ZG16: variants seen among roughly 807,000 people sequenced by gnomAD.
The protein encoded by ZG16 is zymogen granule membrane protein 16.
ZG16 carries 9 observed loss-of-function variants against 15.6 expected under a neutral mutation model. The ratio of observed to expected loss-of-function variants is 0.58; its 90% confidence interval spans 0.35 to 1.00. The LOEUF (loss-of-function observed/expected upper bound fraction) is 1.00. Ranked by LOEUF, ZG16 falls within the 50% of genes least tolerant of loss-of-function variation. ZG16 has a pLI of 0.02. For synonymous variants in ZG16, 89 were observed against 87.4 expected (o/e 1.02, Z -0.10); for missense variants, 174 against 214.8 (o/e 0.81, Z 1.19).
chr16:29,782,183 G>T lies in ZG16; in HGVS notation c.*1764G>T, dbSNP rs1368306809. 1 of 152,252 alleles carries T rather than the reference G, an allele frequency of 6.6e-6. No homozygotes were observed. The highest frequency in any genetic ancestry group is 2.4e-5 in the African/African-American group (1 of 41,466). 9.4% of individuals were successfully genotyped at this position (152,252 alleles called of 1,614,324 possible). On this transcript the variant is annotated 3_prime_UTR_variant, in exon 4 of 4. Coordinates refer to ENST00000400752, the MANE Select transcript of ZG16 (RefSeq NM_152338.4). ...TATGTCTGCCCCAGTGAATGCAGCC[G>T]CCACGGAGCCCCAGCCTCCTCTATG...
In ZG16 at chr16:29,782,445, C is replaced by A. The variant is rs1035263039; in HGVS notation, c.*2026C>A. 3 of 152,176 alleles carry A rather than the reference C, an allele frequency of 2.0e-5. No individual in the cohort carries two copies. Among genetic ancestry groups the A allele is most frequent in the Admixed American group, 2.0e-4 (3 of 15,276 alleles). The allele number at this position is 152,176 out of a possible 1,614,324, so 9.4% of individuals were successfully genotyped here. On this transcript the variant is annotated 3_prime_UTR_variant, in exon 4 of 4. Transcript: ENST00000400752. ...CCCGTAGGATCTTCTAGGGCTCAACCAGCCTTCATGTGCAGTGGGACTGGC... is the reference window on the plus strand; with the variant it reads ...CCCGTAGGATCTTCTAGGGCTCAACAAGCCTTCATGTGCAGTGGGACTGGC...
At position 29,779,604 on chromosome 16, in the gene ZG16, T is replaced by C. The variant is rs761281960; in HGVS notation, c.155T>C (p.Leu52Pro). Reference sequence around the variant, plus strand: ...CAGTTGGACGGCCCCATCACCGCCCTCCGGGTCCGAGTCAACACATACTAC... The same window carrying C: ...CAGTTGGACGGCCCCATCACCGCCCCCCGGGTCCGAGTCAACACATACTAC... Reference protein sequence around the residue: ...GNQLDGPITALRVRVNTYYIV... With the variant: ...GNQLDGPITAPRVRVNTYYIV... Residue 52 changes from leucine (L) to proline (P), a missense_variant, in exon 3 of 4, where the codon CTC becomes CCC. Physicochemically the swap from Leu to Pro is moderately conservative, Grantham distance 98 (BLOSUM62 -3). Coordinates refer to ENST00000400752, the MANE Select transcript of ZG16 (RefSeq NM_152338.4). 2.1e-5 allele frequency: 32 copies of C among 1,536,804 alleles called. No homozygotes were observed. The highest frequency in any genetic ancestry group is 8.7e-7 in the Non-Finnish European group (1 of 1,146,886).
chr16:29,779,236 T>C, intron 1 of ZG16, 24 bp from the exon 2 acceptor site: 1 of 1,537,050 alleles, frequency 6.5e-7, no homozygotes, highest in South Asian at 1.2e-5. Flanking sequence ...TGAATCTTCA[T>C]TTGCTCTTTT....
At position 29,780,482 on chromosome 16, in the gene ZG16, A is replaced by T. The variant is rs1210084028; in HGVS notation, c.*63A>T. 7.5e-7 allele frequency: 1 copy of T among 1,328,978 alleles called. No homozygotes were observed. The highest frequency in any genetic ancestry group is 9.8e-7 in the Non-Finnish European group (1 of 1,018,568). The allele number at this position is 1,328,978 out of a possible 1,614,324, so 82.3% of individuals were successfully genotyped here. ...AAGAACTCCCTTATCACTAACCCCC[A>T]TCCAAATGGCTCAATAAAAAAAATA... On this transcript the variant is annotated 3_prime_UTR_variant, in exon 4 of 4. Coordinates refer to ENST00000400752, the MANE Select transcript of ZG16 (RefSeq NM_152338.4).
chr16:29,780,254 C>T lies in ZG16; in HGVS notation c.339C>T (p.Asp113=). The stretch of plus-strand genomic sequence containing the variant: ...TGAAGAAGCTGGTATTTGTGACAGA[C>T]AAGGGCCGCTATCTGTCTTTTGGGA... ...WYLKKLVFVT[D]KGRYLSFGKD... The change falls in exon 4 of 4, where the codon GAC becomes GAT. Residue 113 remains aspartate, a synonymous_variant. Coordinates refer to ENST00000400752, the MANE Select transcript of ZG16 (RefSeq NM_152338.4). 1 of 1,537,478 alleles carries T rather than the reference C, an allele frequency of 6.5e-7. No homozygotes were observed. The highest frequency in any genetic ancestry group is 8.7e-7 in the Non-Finnish European group (1 of 1,146,954).
intron 1 of ZG16, 63 bp downstream of exon 1, chr16:29,778,369 G>C (rs1481862671): frequency 2.0e-5 from 3 of 152,316 alleles, no homozygotes; most frequent in Non-Finnish European, 4.4e-5. Context: ...AGCTGGCGAA[G>C]AGGATGCCTG....
At chr16:29,779,209 G>C in intron 1 of ZG16, 51 bp from the exon 2 acceptor site, 1 of 1,530,352 alleles carries the variant, frequency 6.5e-7, no homozygotes, top group Non-Finnish European at 8.8e-7. Flanking sequence ...GGTCAATCAA[G>C]TCAACAAGGA....
intron 1 of ZG16, 27 bp downstream of exon 1, chr16:29,778,333 C>T (rs1393397227): frequency 6.6e-6 from 1 of 152,098 alleles, no homozygotes; most frequent in African/African-American, 2.4e-5. Flanking sequence ...ATGCCTGAAT[C>T]TGAGTTGGGG....
Position 29,780,199 on chromosome 16 carries a change from T to C in ZG16, c.284T>C (p.Ile95Thr). 6.5e-7 allele frequency: 1 copy of C among 1,537,352 alleles called. No individual in the cohort carries two copies. Among genetic ancestry groups the C allele is most frequent in the African/African-American group, 1.4e-5 (1 of 73,156 alleles). Residue 95 changes from isoleucine to threonine, a missense_variant, in exon 4 of 4, where the codon ATC becomes ACC. Ile to Thr is a moderately conservative substitution (Grantham distance 89). Transcript: ENST00000400752. ...TTTCTGCACCCTGGGGAATCAGTGA[T>C]CCAGGTTTCTGGGAAGTACAAGTGG... ...EIFLHPGESVIQVSGKYKWYL... is the reference protein window; with the variant it reads ...EIFLHPGESVTQVSGKYKWYL...
chr16:29,779,663 G>A (rs1898600673), intron 3 of ZG16, 26 bp downstream of exon 3: 2 of 1,536,300 alleles, frequency 1.3e-6, no homozygotes, highest in Non-Finnish European at 1.7e-6. Context: ...TTCCTGGCTG[G>A]GCGCGGTGGC....
chr16:29,782,682 G>A lies in ZG16; in HGVS notation c.*2263G>A, dbSNP rs1898636135. Reference sequence around the variant, plus strand: ...GAGCCCCAGCCTCTTCTTTGGCAGGGGCACTGTGGTGAGGAGGAAGGATTC... The same window carrying A: ...GAGCCCCAGCCTCTTCTTTGGCAGGAGCACTGTGGTGAGGAGGAAGGATTC... On this transcript the variant is annotated 3_prime_UTR_variant, in exon 4 of 4. Transcript: ENST00000400752. 6.6e-6 allele frequency: 1 copy of A among 152,182 alleles called. No individual in the cohort carries two copies. Among genetic ancestry groups the A allele is most frequent in the African/African-American group, 2.4e-5 (1 of 41,422 alleles). The allele number at this position is 152,182 out of a possible 1,614,324, so 9.4% of individuals were successfully genotyped here.
Position 29,782,750 on chromosome 16 carries a change from T to C in ZG16, c.*2331T>C, listed in dbSNP as rs973340184. On this transcript the variant is annotated 3_prime_UTR_variant, in exon 4 of 4. Coordinates refer to ENST00000400752, the MANE Select transcript of ZG16 (RefSeq NM_152338.4). ...ATCCAATTGGTTCTATAAACAGATA[T>C]GGTGGCCCAACTGTTGCGGGAAGTC... The C allele has an allele frequency of 6.5e-6, 1 of 152,898 alleles. No individual in the cohort carries two copies. Among genetic ancestry groups the C allele is most frequent in the Non-Finnish European group, 1.5e-5 (1 of 68,072 alleles). The allele number at this position is 152,898 out of a possible 1,614,324, so 9.5% of individuals were successfully genotyped here.
At position 29,780,672 on chromosome 16, in the gene ZG16, A is replaced by T. The variant is rs1461440236; in HGVS notation, c.*253A>T. ...AATCCTGGGCTTTGTGCTATAATTT[A>T]TCAAGAGGAGATGAGATTCTGGCTT... On this transcript the variant is annotated 3_prime_UTR_variant, in exon 4 of 4. Transcript: ENST00000400752. 2.2e-6 allele frequency: 1 copy of T among 449,392 alleles called. No individual in the cohort carries two copies. Among genetic ancestry groups the T allele is most frequent in the Non-Finnish European group, 4.0e-6 (1 of 252,002 alleles). The allele number at this position is 449,392 out of a possible 1,614,324, so 27.8% of individuals were successfully genotyped here. A position where few individuals can be genotyped will look rare whatever the true frequency, so the allele number is the denominator to read the frequency against.
At position 29,780,622 on chromosome 16, in the gene ZG16, G is replaced by T; in HGVS notation, c.*203G>T. The T allele has an allele frequency of 1.8e-6, 1 of 560,734 alleles. No individual in the cohort carries two copies. Among genetic ancestry groups the T allele is most frequent in the Non-Finnish European group, 3.1e-6 (1 of 317,936 alleles). 34.7% of individuals were successfully genotyped at this position (560,734 alleles called of 1,614,324 possible). On this transcript the variant is annotated 3_prime_UTR_variant, in exon 4 of 4. Coordinates refer to ENST00000400752, the MANE Select transcript of ZG16 (RefSeq NM_152338.4). ...GCTTTGGACATCTGTCTGGAAGATG[G>T]GAAGATGAGGGAGAGGTATGTAAGA...
chr16:29,778,865 C>T (rs953147906), intron 1 of ZG16, among the ~76,000 whole-genome samples: 7 of 152,118 alleles, frequency 4.6e-5, no homozygotes, highest in African/African-American at 1.7e-4. Context: ...TCCTCTACTC[C>T]CTCCTTAGAA....
Position 29,779,626 on chromosome 16 carries a change from C to G in ZG16, c.177C>G (p.Tyr59Ter). ...CCCTCCGGGTCCGAGTCAACACATACTACATCGTAGGGTAAGATTCTTTGA... is the reference window on the plus strand; with the variant it reads ...CCCTCCGGGTCCGAGTCAACACATAGTACATCGTAGGGTAAGATTCTTTGA... Reference protein sequence around the residue: ...ITALRVRVNTYYIVGLQVRYG... With the variant: ...ITALRVRVNT The change falls in exon 3 of 4, where the codon TAC becomes TAG. Residue 59 changes from tyrosine (Y) to a stop codon, truncating the protein, a stop_gained. Transcript: ENST00000400752. LOFTEE classifies it high-confidence loss of function. 2 of 1,537,234 alleles carry G rather than the reference C, an allele frequency of 1.3e-6. No individual in the cohort carries two copies. Among genetic ancestry groups the G allele is most frequent in the Non-Finnish European group, 1.7e-6 (2 of 1,146,900 alleles).
Position 29,780,455 on chromosome 16 carries a change from G to A in ZG16, c.*36G>A, listed in dbSNP as rs992735266. The A allele has an allele frequency of 3.4e-6, 5 of 1,475,598 alleles. No homozygotes were observed. In the South Asian group the frequency reaches 5.2e-5, roughly 15 times the overall value. 91.4% of individuals were successfully genotyped at this position (1,475,598 alleles called of 1,614,324 possible). ...CTTGGCAGGGGCACTGTGATGAGGA[G>A]TAAGAACTCCCTTATCACTAACCCC... On this transcript the variant is annotated 3_prime_UTR_variant, in exon 4 of 4. Transcript: ENST00000400752.
Position 29,780,505 on chromosome 16 carries a change from A to G in ZG16, c.*86A>G. On this transcript the variant is annotated 3_prime_UTR_variant, in exon 4 of 4. Transcript: ENST00000400752. Reference sequence around the variant, plus strand: ...CCATCCAAATGGCTCAATAAAAAAAATATGGTTAAGGCTAGTCTGTGTGGG... The same window carrying G: ...CCATCCAAATGGCTCAATAAAAAAAGTATGGTTAAGGCTAGTCTGTGTGGG... 6.4e-6 allele frequency: 6 copies of G among 931,538 alleles called. No homozygotes were observed. In the South Asian group the frequency reaches 1.0e-4, roughly 16 times the overall value. 57.7% of individuals were successfully genotyped at this position (931,538 alleles called of 1,614,324 possible).
rs1360553393 is a variant in ZG16 at position 29,782,444 on chromosome 16, C to T, written c.*2025C>T. ...CCCCGTAGGATCTTCTAGGGCTCAA[C>T]CAGCCTTCATGTGCAGTGGGACTGG... On this transcript the variant is annotated 3_prime_UTR_variant, in exon 4 of 4. Transcript: ENST00000400752. The T allele has an allele frequency of 6.6e-6, 1 of 152,186 alleles. No homozygotes were observed. Among genetic ancestry groups the T allele is most frequent in the African/African-American group, 2.4e-5 (1 of 41,432 alleles). 9.4% of individuals were successfully genotyped at this position (152,186 alleles called of 1,614,324 possible).
Sources: allele counts gnomAD v4.1 joint callset (sites outside exome capture counted in the v4.1 genomes callset), GRCh38; gene constraint gnomAD v4.1.1; transcripts MANE v1.5; gene names NCBI Gene and HGNC (gene_info 2026-07-23, HGNC 2026-07-21).